The following PDE4D variants were observed in gnomAD, a reference collection of about 807,000 sequenced individuals.
PDE4D encodes the protein phosphodiesterase 4D.
In PDE4D, 24 loss-of-function variants were observed where a neutral mutation model predicts 87.4. The ratio of observed to expected loss-of-function variants is 0.27; its 90% CI spans 0.20 to 0.39. The LOEUF is 0.39. Among genes scored for constraint, PDE4D ranks in the 10% least tolerant of loss-of-function variants. PDE4D has a pLI of 1.00. For missense variants in PDE4D, 714 were observed against 1,041.0 expected (o/e 0.69, Z 4.32); for synonymous variants, 384 against 383.2 (o/e 1.00, Z -0.02).
chr5:59,276,162 C>A, intron 1 of PDE4D: 6 of 979,936 alleles, frequency 6.1e-6, no homozygotes, highest in Non-Finnish European at 7.3e-6. Flanking sequence ...CAGCGCCCAG[C>A]CTAGCCTCGT....
At chr5:59,437,858 G>A (rs1797009266) in intron 1 of PDE4D, among the ~76,000 whole-genome samples, 1 of 152,172 alleles carries the variant, frequency 6.6e-6, no homozygotes, top group Non-Finnish European at 1.5e-5. Context: ...GCCTGAGACT[G>A]GGTAATTTAT....
chr5:59,244,633 CATAT>C (rs1758409195), intron 1 of PDE4D, among the ~76,000 whole-genome samples: 1 of 137,084 alleles, frequency 7.3e-6, no homozygotes, highest in South Asian at 2.3e-4. Context: ...TGTACATTTA[CATAT>C]ATACATATAT....
At chr5:59,494,322 G>T (rs985267133) in intron 1 of PDE4D, among the ~76,000 whole-genome samples, 7 of 152,182 alleles carry the variant, frequency 4.6e-5, no homozygotes, top group Non-Finnish European at 1.0e-4. Context: ...TTAGTATAAT[G>T]ATGGATTGCA....
intron 1 of PDE4D, among the ~76,000 whole-genome samples, chr5:59,274,415 T>C (rs1316952296): frequency 6.6e-6 from 1 of 152,142 alleles, no homozygotes; most frequent in Non-Finnish European, 1.5e-5. Flanking sequence ...TTTACATGTG[T>C]GTTTGCCTGC....
chr5:59,200,010 C>T (rs1239811554), intron 2 of PDE4D, among the ~76,000 whole-genome samples: 1 of 120,016 alleles, frequency 8.3e-6, no homozygotes, highest in Non-Finnish European at 1.9e-5. Context: ...ATGCAACATA[C>T]ATACATGCAC....
intron 5 of PDE4D, among the ~76,000 whole-genome samples, chr5:59,088,854 G>A (rs1768189485): frequency 6.6e-6 from 1 of 151,996 alleles, no homozygotes; most frequent in East Asian, 1.9e-4. Context: ...GTAATATGTG[G>A]GTGATGAAAT....
At chr5:59,895,259 G>C (rs975565068), upstream of PDE4D, among the ~76,000 whole-genome samples, 4 of 152,324 alleles carry the variant, frequency 2.6e-5, no homozygotes, top group Admixed American at 2.6e-4. Flanking sequence ...TTGTTTATCA[G>C]CAAGAACAGT....
chr5:59,834,800 C>T (rs926140371), intron 1 of PDE4D, among the ~76,000 whole-genome samples: 3 of 152,000 alleles, frequency 2.0e-5, no homozygotes, highest in Non-Finnish European at 2.9e-5. Context: ...AAATAAACCA[C>T]GTTGAAATTT....
chr5:59,973,802 T>A (rs1561930733), intron 3 of PDE4D, among the ~76,000 whole-genome samples: 1 of 152,082 alleles, frequency 6.6e-6, no homozygotes, highest in Non-Finnish European at 1.5e-5. Context: ...GTTGCCAAAT[T>A]CTAGTCACAG....
At chr5:59,559,111 A>G (rs1819490812) in intron 1 of PDE4D, among the ~76,000 whole-genome samples, 1 of 152,186 alleles carries the variant, frequency 6.6e-6, no homozygotes, top group Non-Finnish European at 1.5e-5. Flanking sequence ...AAACTGCTTA[A>G]TATCATTTAC....
rs142493461 is a variant in PDE4D at position 59,994,392 on chromosome 5, T to A, written c.43-5675A>T. Among the ~76,000 whole-genome samples the A allele has an allele frequency of 3.9e-3, 591 of 151,878 alleles. 4 individuals are homozygous for A. The highest frequency in any genetic ancestry group is 0.014 in the African/African-American group (569 of 41,414). On this transcript the variant is annotated intron_variant, in intron 2 of 16. Coordinates refer to the PDE4D transcript ENST00000502484. ...TAAACATGTATATACATATATATATTTATACATATACATATATAGGCATTG... is the reference window on the plus strand; with the variant it reads ...TAAACATGTATATACATATATATATATATACATATACATATATAGGCATTG...
intron 5 of PDE4D, among the ~76,000 whole-genome samples, chr5:59,082,026 G>C (rs1208530814): frequency 6.6e-6 from 1 of 152,080 alleles, no homozygotes; most frequent in East Asian, 1.9e-4. Context: ...CCTGTAAAGA[G>C]GTGCATTCTG....
intron 1 of PDE4D, among the ~76,000 whole-genome samples, chr5:59,417,039 T>C (rs1405529889): frequency 6.6e-6 from 1 of 152,202 alleles, no homozygotes; most frequent in African/African-American, 2.4e-5. Flanking sequence ...ATATTGTGTA[T>C]GAAGTCTTAG....
chr5:59,983,578 C>T (rs569836943), intron 3 of PDE4D, among the ~76,000 whole-genome samples: 153 of 152,032 alleles, frequency 1.0e-3, no homozygotes, highest in African/African-American at 3.6e-3. Flanking sequence ...AGAAGATATC[C>T]AAATGTTCAA....
intron 1 of PDE4D, among the ~76,000 whole-genome samples, chr5:60,378,744 T>C (rs1229446593): frequency 6.6e-6 from 1 of 151,838 alleles, no homozygotes; most frequent in Admixed American, 6.6e-5. Context: ...TCCCAGCTAC[T>C]CAGGAGGCTG....
Position 60,283,294 on chromosome 5 carries a change from T to G in PDE4D, c.-89-97607A>C, listed in dbSNP as rs868614112. 1.5e-4 allele frequency among the ~76,000 whole-genome samples: 23 copies of G among 152,276 alleles called. No homozygotes were observed. The South Asian group carries it at 3.5e-3, about 23-fold the overall frequency. On this transcript the variant is annotated intron_variant, in intron 1 of 16. Coordinates refer to the PDE4D transcript ENST00000502484. ...TTGTCATAGATATTTTTTCATAAAT[T>G]TTGGTTAATATATAGGAGATAGTTG...
At chr5:59,318,313 G>C (rs973065465) in intron 1 of PDE4D, among the ~76,000 whole-genome samples, 1 of 152,118 alleles carries the variant, frequency 6.6e-6, no homozygotes, top group Non-Finnish European at 1.5e-5. Context: ...TTACAGATAA[G>C]CAAATTGAGG....
chr5:60,081,337 C>A (rs1270675611), intron 2 of PDE4D, among the ~76,000 whole-genome samples: 1 of 140,948 alleles, frequency 7.1e-6, no homozygotes, highest in African/African-American at 2.6e-5. Context: ...AAAAAAAAAA[C>A]AGCTCCTGGA....
intron 6 of PDE4D, among the ~76,000 whole-genome samples, chr5:58,998,817 T>C (rs1011731635): frequency 9.2e-5 from 14 of 152,124 alleles, no homozygotes; most frequent in Admixed American, 1.3e-4. Context: ...TCTACCTCCT[T>C]CTATTGTGGA....
Sources: allele counts gnomAD v4.1 joint callset (sites outside exome capture counted in the v4.1 genomes callset), GRCh38; gene constraint gnomAD v4.1.1; transcripts MANE v1.5; gene names NCBI Gene and HGNC (gene_info 2026-07-23, HGNC 2026-07-21).